Variants in DNM3 observed in about 807,000 individuals in gnomAD.
DNM3 encodes dynamin 3.
Under a neutral mutation model 101.6 loss-of-function variants are expected in DNM3, and 47 were observed. The observed-to-expected ratio is 0.46, with a 90% confidence interval of 0.37 to 0.59. The LOEUF (loss-of-function observed/expected upper bound fraction) is 0.59, where lower values mean the gene tolerates loss of function less well. Among genes scored for constraint, DNM3 ranks in the 20% least tolerant of loss-of-function variants. The probability of loss-of-function intolerance (pLI) is 0.00; values close to 1 mark genes in which losing one functional copy is unlikely to be tolerated. For missense variants in DNM3, 849 were observed against 1,085.7 expected, an observed-to-expected ratio of 0.78 and a Z score of 3.06; for synonymous variants, 385 against 387.9, an observed-to-expected ratio of 0.99 and a Z score of 0.09.
intron 14 of DNM3, among the ~76,000 whole-genome samples, chr1:172,230,108 T>A (rs6701414): frequency 0.17 from 25,268 of 152,162 alleles, 2,482 homozygotes; most frequent in East Asian, 0.28. Context: ...TGCCATGTTG[T>A]CATGGTTTTT....
intron 17 of DNM3, among the ~76,000 whole-genome samples, chr1:172,346,802 A>C (rs1398128307): frequency 2.6e-5 from 4 of 152,154 alleles, no homozygotes; most frequent in Non-Finnish European, 5.9e-5. Flanking sequence ...ATTTCACCCA[A>C]ATTTTTGAGA....
intron 1 of DNM3, among the ~76,000 whole-genome samples, chr1:171,890,062 G>A (rs1010264930): frequency 6.6e-6 from 1 of 152,026 alleles, no homozygotes; most frequent in South Asian, 2.1e-4. Context: ...AGGAAAATTC[G>A]AAGAGAAAAA....
chr1:172,190,158 T>C (rs1039276784), intron 14 of DNM3, among the ~76,000 whole-genome samples: 4 of 151,854 alleles, frequency 2.6e-5, no homozygotes, highest in African/African-American at 9.7e-5. Context: ...TATCCCTCCC[T>C]TTTCCCTGCA....
chr1:172,199,616 G>T (rs1243325309), intron 14 of DNM3, among the ~76,000 whole-genome samples: 3 of 151,986 alleles, frequency 2.0e-5, no homozygotes, highest in South Asian at 4.2e-4. Context: ...ATATGTTTAG[G>T]ATAGTCTTCT....
chr1:172,280,351 A>G (rs188240888), intron 15 of DNM3, among the ~76,000 whole-genome samples: 1 of 152,266 alleles, frequency 6.6e-6, no homozygotes, highest in East Asian at 1.9e-4. Context: ...CCATTTTAGT[A>G]TAAGTTCAGT....
intron 1 of DNM3, among the ~76,000 whole-genome samples, chr1:171,899,793 A>G (rs1242213651): frequency 6.6e-6 from 1 of 152,214 alleles, no homozygotes; most frequent in Non-Finnish European, 1.5e-5. Flanking sequence ...TGGAAAATAG[A>G]CAAAACATAT....
chr1:171,877,294 CTATT>C (rs2035871193), intron 1 of DNM3, among the ~76,000 whole-genome samples: 1 of 152,160 alleles, frequency 6.6e-6, no homozygotes, highest in Non-Finnish European at 1.5e-5. Context: ...GATTTTATAT[CTATT>C]AAACATATTC....
chr1:172,143,320 A>G (rs1218753625), intron 14 of DNM3, among the ~76,000 whole-genome samples: 2 of 152,186 alleles, frequency 1.3e-5, no homozygotes, highest in East Asian at 3.9e-4. Context: ...TGTTTTCATT[A>G]TATAGAATTG....
chr1:172,038,344 C>T lies in DNM3; in HGVS notation c.875C>T (p.Thr292Ile), dbSNP rs1334733855. ...NQQLTNHIRD[T>I]LPNFRNKLQG... ...CAACTTACCAACCACATTCGGGATA[C>T]CCTACCAAACTTCAGGAACAAACTA... is the stretch of plus-strand genomic sequence containing the variant. Residue 292 changes from threonine (T) to isoleucine (I), a missense_variant, in exon 7 of 21, where the codon ACC (threonine) becomes ATC (isoleucine). Around this residue, in one of 5 missense-constraint regions of DNM3, gnomAD observed 388 missense variants for 483.0 expected, o/e 0.80. Transcript: ENST00000627582. 2 of 1,613,308 alleles carry T rather than the reference C, an allele frequency of 1.2e-6. No individual in the cohort carries two copies. The highest frequency in any genetic ancestry group is 2.2e-5 in the East Asian group (1 of 44,856).
chr1:172,307,189 TAAAC>T (rs1358476280), intron 15 of DNM3, among the ~76,000 whole-genome samples: 11 of 151,436 alleles, frequency 7.3e-5, no homozygotes, highest in South Asian at 2.1e-4. Flanking sequence ...CCAGAAAAAA[TAAAC>T]AAACAACCCC....
rs571776102 is a variant in DNM3, at chr1:171,844,467, CTG to C, written c.161+2652_161+2653del. 2.0e-4 allele frequency among the ~76,000 whole-genome samples: 31 copies of C among 152,284 alleles called. 2 individuals carry two copies. The East Asian group carries it at 5.6e-3, about 27-fold the overall frequency. The stretch of plus-strand genomic sequence containing the variant: ...CAACAATCCTCATTTAGTGGACTAA[CTG>C]TATCTTCTCTCAGTTTGTTTATATT... On this transcript the variant is annotated intron_variant, in intron 1 of 20. Coordinates refer to ENST00000627582, the MANE Select transcript of DNM3 (RefSeq NM_015569.5).
At chr1:172,231,536 C>T (rs570297245) in intron 14 of DNM3, among the ~76,000 whole-genome samples, 5 of 152,148 alleles carry the variant, frequency 3.3e-5, no homozygotes, top group South Asian at 2.1e-4. Flanking sequence ...AATCAGAGCA[C>T]CTCTCCTCCT....
intron 17 of DNM3, among the ~76,000 whole-genome samples, chr1:172,374,663 A>G (rs2068511688): frequency 6.6e-6 from 1 of 152,058 alleles, no homozygotes; most frequent in African/African-American, 2.4e-5. Context: ...CTGCATACCT[A>G]TGCTATTATT....
intron 16 of DNM3, among the ~76,000 whole-genome samples, chr1:172,320,060 T>C (rs1412142781): frequency 1.3e-5 from 2 of 150,030 alleles, no homozygotes; most frequent in Non-Finnish European, 1.5e-5. Flanking sequence ...CCATAAAAAA[T>C]GATGAGTTCA....
chr1:171,867,506 T>C (rs2034873026), intron 1 of DNM3, among the ~76,000 whole-genome samples: 1 of 152,246 alleles, frequency 6.6e-6, no homozygotes, highest in African/African-American at 2.4e-5. Context: ...CATGGGGAGA[T>C]GCAGGACACA....
chr1:172,225,134 CTTTT>C (rs1168334078), intron 14 of DNM3, among the ~76,000 whole-genome samples: 1 of 65,520 alleles, frequency 1.5e-5, no homozygotes, highest in Admixed American at 2.0e-4. Context: ...TCTTCTTCCT[CTTTT>C]TTTTTTTTTT....
intron 2 of DNM3, among the ~76,000 whole-genome samples, chr1:171,925,866 A>G (rs935243531): frequency 6.6e-6 from 1 of 152,082 alleles, no homozygotes; most frequent in Admixed American, 6.6e-5. Context: ...TTAATCCATC[A>G]TGAGTTAATT....
chr1:172,035,806 A>T lies in DNM3; in HGVS notation c.850-2513A>T, dbSNP rs77439020. Reference sequence around the variant, plus strand: ...TTGCCTGCTTCATAGTTAGAACAGCAACGCATGCCAGGGTGCTAACAATAA... The same window carrying T: ...TTGCCTGCTTCATAGTTAGAACAGCTACGCATGCCAGGGTGCTAACAATAA... On this transcript the variant is annotated intron_variant, in intron 6 of 20. Coordinates refer to ENST00000627582, the MANE Select transcript of DNM3 (RefSeq NM_015569.5). 3.7e-3 allele frequency among the ~76,000 whole-genome samples: 564 copies of T among 152,216 alleles called. 3 individuals are homozygous for T. The highest frequency in any genetic ancestry group is 6.0e-3 in the Non-Finnish European group (405 of 67,998).
chr1:171,944,444 C>T (rs2042022273), intron 2 of DNM3, among the ~76,000 whole-genome samples: 1 of 151,488 alleles, frequency 6.6e-6, no homozygotes, highest in South Asian at 2.1e-4. Context: ...GGCGGGATCT[C>T]AGCTCACTGC....
Sources: allele counts gnomAD v4.1 joint callset (sites outside exome capture counted in the v4.1 genomes callset), GRCh38; gene constraint gnomAD v4.1.1; regional missense constraint gnomAD v4.1.1; transcripts MANE v1.5; gene names NCBI Gene and HGNC (gene_info 2026-07-23, HGNC 2026-07-21).